Variants in CSMD1 observed in about 807,000 individuals in gnomAD.
CSMD1 encodes CUB and sushi domain-containing protein 1.
A neutral mutation model predicts 417.5 loss-of-function variants in CSMD1; 213 were observed. That is an observed-to-expected ratio of 0.51 (90% confidence interval 0.46 to 0.57). CSMD1 has a LOEUF of 0.57. Among genes scored for constraint, CSMD1 ranks in the 20% least tolerant of loss-of-function variants. The pLI is 0.00. For synonymous variants in CSMD1, 2,862 were observed against 1,736.8 expected, an observed-to-expected ratio of 1.65 and a Z score of -16.11; for missense variants, 6,923 against 4,529.7, an observed-to-expected ratio of 1.53 and a Z score of -15.17.
intron 18 of CSMD1, among the ~76,000 whole-genome samples, chr8:3,383,257 A>T (rs1810755837): frequency 6.6e-6 from 1 of 152,258 alleles, no homozygotes; most frequent in Admixed American, 6.5e-5. Context: ...CACATTAAAC[A>T]TGCAGTTTAC....
rs546767412 is a variant in CSMD1 at position 3,305,539 on chromosome 8, GC to G, written c.3950+2155del. Among the ~76,000 whole-genome samples the G allele has an allele frequency of 1.8e-4, 27 of 151,048 alleles. 1 individual carries two copies. The East Asian group carries it at 5.2e-3, about 29-fold the overall frequency. On this transcript the variant is annotated intron_variant, in intron 25 of 69. Coordinates refer to ENST00000635120, the MANE Select transcript of CSMD1 (RefSeq NM_033225.6). ...AGCCCCTGATAAAAGGTTAAGCTTG[GC>G]CCCATTTCCTCTCTGTCTCTAGTGT...
At chr8:3,275,220 T>C (rs1380211456) in intron 26 of CSMD1, among the ~76,000 whole-genome samples, 1 of 152,210 alleles carries the variant, frequency 6.6e-6, no homozygotes, top group Non-Finnish European at 1.5e-5. Flanking sequence ...AATTCTGGGT[T>C]GAAAATTCTT....
At chr8:4,624,672 C>G (rs751441647) in intron 2 of CSMD1, among the ~76,000 whole-genome samples, 30 of 152,154 alleles carry the variant, frequency 2.0e-4, no homozygotes, top group Non-Finnish European at 3.5e-4. Context: ...GCTCTGTTTA[C>G]ACGGGATATA....
At chr8:3,757,252 G>C (rs940010999) in intron 5 of CSMD1, among the ~76,000 whole-genome samples, 2 of 152,096 alleles carry the variant, frequency 1.3e-5, no homozygotes, top group South Asian at 4.2e-4. Flanking sequence ...CAGTCAACAG[G>C]ATATTTCTGT....
chr8:4,631,815 G>T (rs868218801), intron 2 of CSMD1, among the ~76,000 whole-genome samples: 1 of 152,124 alleles, frequency 6.6e-6, no homozygotes, highest in South Asian at 2.1e-4. Context: ...TCTTGTTAAA[G>T]TTAGAAAGAC....
chr8:4,204,056 G>C (rs1799828124), intron 3 of CSMD1, among the ~76,000 whole-genome samples: 1 of 152,268 alleles, frequency 6.6e-6, no homozygotes, highest in African/African-American at 2.4e-5. Context: ...AGCTGAGATT[G>C]TGCCACTGTA....
chr8:3,046,519 C>T (rs1252111059), intron 50 of CSMD1, among the ~76,000 whole-genome samples: 1 of 152,134 alleles, frequency 6.6e-6, no homozygotes, highest in African/African-American at 2.4e-5. Flanking sequence ...CTGATCCTCG[C>T]CCCCACGGAT....
At chr8:3,098,873 G>C (rs922933239) in intron 46 of CSMD1, among the ~76,000 whole-genome samples, 2 of 151,308 alleles carry the variant, frequency 1.3e-5, no homozygotes, top group African/African-American at 4.9e-5. Flanking sequence ...GTTTTAATTA[G>C]AGCCAATATA....
intron 2 of CSMD1, among the ~76,000 whole-genome samples, chr8:4,468,907 G>C (rs1314414073): frequency 1.3e-5 from 2 of 151,858 alleles, no homozygotes; most frequent in African/African-American, 2.4e-5. Context: ...TGGCTAATAG[G>C]AAAGGAATGC....
At chr8:4,749,055 C>CGT (rs747026933) in intron 1 of CSMD1, among the ~76,000 whole-genome samples, 8 of 105,082 alleles carry the variant, frequency 7.6e-5, no homozygotes, top group Middle Eastern at 4.5e-3. Context: ...TGCCTGTGTG[C>CGT]GTGTGTGTGT....
At chr8:3,683,079 G>C (rs1040734837) in intron 7 of CSMD1, among the ~76,000 whole-genome samples, 3 of 152,038 alleles carry the variant, frequency 2.0e-5, no homozygotes, top group African/African-American at 7.2e-5. Flanking sequence ...ATAGCATTAG[G>C]AGATATACCT....
At chr8:3,785,408 G>C (rs544477139) in intron 5 of CSMD1, among the ~76,000 whole-genome samples, 62 of 152,280 alleles carry the variant, frequency 4.1e-4, no homozygotes, top group African/African-American at 1.3e-3. Context: ...GTTCTGGTGA[G>C]AGGTCAGGCT....
At chr8:4,428,477 C>A (rs1208184154) in intron 2 of CSMD1, among the ~76,000 whole-genome samples, 1 of 152,112 alleles carries the variant, frequency 6.6e-6, no homozygotes. Flanking sequence ...AGTAAAAAGG[C>A]TGCATGCCTG....
In CSMD1 at chr8:3,170,499, T is replaced by C. The variant is rs186580565; in HGVS notation, c.5726-8222A>G. 4.6e-5 allele frequency among the ~76,000 whole-genome samples: 7 copies of C among 152,324 alleles called. No individual in the cohort carries two copies. In the East Asian group the frequency reaches 9.7e-4, roughly 21 times the overall value. Reference sequence around the variant, plus strand: ...CTGGGATTACAGGCGTGAGCCACCGTGCCCGGCCCGAGCTTTATTTCTAAC... The same window carrying C: ...CTGGGATTACAGGCGTGAGCCACCGCGCCCGGCCCGAGCTTTATTTCTAAC... On this transcript the variant is annotated intron_variant, in intron 37 of 69. Coordinates refer to ENST00000635120, the MANE Select transcript of CSMD1 (RefSeq NM_033225.6).
intron 2 of CSMD1, among the ~76,000 whole-genome samples, chr8:4,576,357 G>A (rs1207912496): frequency 2.0e-5 from 3 of 152,228 alleles, no homozygotes; most frequent in African/African-American, 7.2e-5. Context: ...CTTCAGGGGA[G>A]AGTCAGAGGC....
chr8:4,253,462 C>T (rs568767105), intron 3 of CSMD1, among the ~76,000 whole-genome samples: 1 of 151,976 alleles, frequency 6.6e-6, no homozygotes, highest in Non-Finnish European at 1.5e-5. Context: ...ACCTAATAAA[C>T]ATTTGTTGTT....
intron 1 of CSMD1, among the ~76,000 whole-genome samples, chr8:4,908,201 C>T (rs1178824967): frequency 6.6e-6 from 1 of 152,102 alleles, no homozygotes; most frequent in Non-Finnish European, 1.5e-5. Context: ...TTCTTGTTTG[C>T]AGTTTCTGAT....
intron 7 of CSMD1, among the ~76,000 whole-genome samples, chr8:3,670,109 G>C (rs914139563): frequency 1.3e-5 from 2 of 152,100 alleles, no homozygotes; most frequent in African/African-American, 4.8e-5. Context: ...GCAAAGTGTT[G>C]ATCCTGGGTG....
intron 5 of CSMD1, among the ~76,000 whole-genome samples, chr8:3,940,260 C>G (rs1364379318): frequency 1.3e-5 from 2 of 150,546 alleles, no homozygotes; most frequent in Non-Finnish European, 3.0e-5. Flanking sequence ...AAATCAGACT[C>G]TGAAATATCT....
Sources: allele counts gnomAD v4.1 joint callset (sites outside exome capture counted in the v4.1 genomes callset), GRCh38; gene constraint gnomAD v4.1.1; transcripts MANE v1.5; gene names NCBI Gene and HGNC (gene_info 2026-07-23, HGNC 2026-07-21).